Variants in CLEC3B observed in about 807,000 individuals in gnomAD.
The protein encoded by CLEC3B is tetranectin.
CLEC3B carries 13 observed loss-of-function variants against 15.4 expected under a neutral mutation model. The observed-to-expected ratio is 0.84, with a 90% CI of 0.55 to 1.34. The LOEUF (loss-of-function observed/expected upper bound fraction) is 1.34. CLEC3B is among the 40% of genes most tolerant of loss of function. The pLI is 0.00. For missense variants in CLEC3B, 242 were observed against 268.6 expected, an observed-to-expected ratio of 0.90 and a Z score of 0.69; for synonymous variants, 112 against 114.7, an observed-to-expected ratio of 0.98 and a Z score of 0.15.
Position 45,035,539 on chromosome 3 carries a change from C to T in CLEC3B, c.224C>T (p.Thr75Ile), listed in dbSNP as rs1001999330. 1.2e-6 allele frequency: 2 copies of T among 1,606,268 alleles called. No individual in the cohort carries two copies. Among genetic ancestry groups the T allele is most frequent in the African/African-American group, 1.3e-5 (1 of 74,824 alleles). Residue 75 changes from threonine (T) to isoleucine (I), a missense_variant, in exon 3 of 3, where the codon ACC becomes ATC. By Grantham distance (89) the Thr-to-Ile change is moderately conservative. Transcript: ENST00000296130. ...CCACTCCCAGTCTGCCTGAAGGGGACCAAGGTGCACATGAAATGCTTTCTG... is the reference window on the plus strand; with the variant it reads ...CCACTCCCAGTCTGCCTGAAGGGGATCAAGGTGCACATGAAATGCTTTCTG... The part of the protein sequence containing the change: ...QALQTVCLKG[T>I]KVHMKCFLAF...
At chr3:45,028,895 G>C (rs558746267) in intron 1 of CLEC3B, among the ~76,000 whole-genome samples, 15 of 152,330 alleles carry the variant, frequency 9.8e-5, no homozygotes, top group Middle Eastern at 3.4e-3. Flanking sequence ...GGGTGGGTGA[G>C]AAGCGGGGAG....
chr3:45,034,918 C>T lies in CLEC3B; in HGVS notation c.209-606C>T, dbSNP rs55783994. Among the ~76,000 whole-genome samples the T allele has an allele frequency of 9.8e-3, 1,493 of 152,290 alleles. 28 individuals carry two copies. Among genetic ancestry groups the T allele is most frequent in the African/African-American group, 0.034 (1,408 of 41,550 alleles). ...GCTGTTTGGGTAGGGATTTGGGGCC[C>T]TGGGTACATGAAGTGTGGCCTAGGC... On this transcript the variant is annotated intron_variant, in intron 2 of 2. Coordinates refer to ENST00000296130, the MANE Select transcript of CLEC3B (RefSeq NM_003278.3).
intron 1 of CLEC3B, among the ~76,000 whole-genome samples, chr3:45,027,958 C>T (rs748915113): frequency 2.0e-4 from 30 of 152,078 alleles, no homozygotes; most frequent in Non-Finnish European, 3.1e-4. Context: ...GGTCAGAGCA[C>T]GTGATGCCTT....
rs761395642 is a variant in CLEC3B, at chr3:45,030,792, C to G, written c.110-35C>G. On this transcript the variant is annotated intron_variant, in intron 1 of 2. Transcript: ENST00000296130. ...AAGGTAGGATCCTTCCTGCTCAGTC[C>G]CTGCCCCACCCTGACATATTTCCTC... 4.8e-6 allele frequency: 7 copies of G among 1,464,770 alleles called. No individual in the cohort carries two copies. In the Admixed American group the frequency reaches 1.4e-4, roughly 28 times the overall value. The allele number at this position is 1,464,770 out of a possible 1,614,324, so 90.7% of individuals were successfully genotyped here.
Position 45,030,852 on chromosome 3 carries a change from G to A in CLEC3B, c.135G>A (p.Glu45=). The A allele has an allele frequency of 6.3e-7, 1 of 1,595,428 alleles. No individual in the cohort carries two copies. The highest frequency in any genetic ancestry group is 1.1e-5 in the South Asian group (1 of 87,594). ...KKDVVNTKMF[E]ELKSRLDTLA... is the part of the protein sequence containing the mutation. ...ATGTTGTGAACACAAAGATGTTTGA[G>A]GAGCTCAAGAGCCGTCTGGACACCC... The change falls in exon 2 of 3, where the codon GAG becomes GAA. Residue 45 remains glutamate (E), a synonymous_variant. Transcript: ENST00000296130.
Position 45,035,896 on chromosome 3 carries a change from C to T in CLEC3B, c.581C>T (p.Pro194Leu). 1 of 1,604,670 alleles carries T rather than the reference C, an allele frequency of 6.2e-7. No homozygotes were observed. Among genetic ancestry groups the T allele is most frequent in the Non-Finnish European group, 8.5e-7 (1 of 1,175,580 alleles). ...WFDKRCRDQL[P>L]YICQFGIV is the part of the protein sequence containing the mutation. ...GACAAGCGCTGCCGCGATCAGCTGC[C>T]CTACATCTGCCAGTTCGGGATCGTG... The change falls in exon 3 of 3, where the codon CCC (proline) becomes CTC (leucine). Residue 194 changes from proline (P) to leucine (L), a missense_variant. Transcript: ENST00000296130.
chr3:45,027,784 G>T (rs1299344247), intron 1 of CLEC3B, among the ~76,000 whole-genome samples: 3 of 152,216 alleles, frequency 2.0e-5, no homozygotes, highest in Non-Finnish European at 4.4e-5. Context: ...ATGAGCATTA[G>T]CCAAAATCGC....
At chr3:45,030,725 T>A in intron 1 of CLEC3B, 102 bp from the exon 2 acceptor site, 1 of 751,662 alleles carries the variant, frequency 1.3e-6, no homozygotes, top group East Asian at 2.8e-5. Flanking sequence ...TCCCAAGATA[T>A]CAAGGTTGAG....
chr3:45,030,263 C>T (rs1239941015), intron 1 of CLEC3B: 1 of 974,010 alleles, frequency 1.0e-6, no homozygotes, highest in African/African-American at 1.8e-5. Flanking sequence ...TTTCAGTTCT[C>T]TTAGTCTTCT....
chr3:45,030,633 G>A (rs1171149506), intron 1 of CLEC3B, among the ~76,000 whole-genome samples, 194 bp from the exon 2 acceptor site: 1 of 152,266 alleles, frequency 6.6e-6, no homozygotes, highest in Non-Finnish European at 1.5e-5. Flanking sequence ...CAGCACAGGA[G>A]CAAGTGAAGG....
intron 1 of CLEC3B, among the ~76,000 whole-genome samples, chr3:45,028,622 A>C (rs576620137): frequency 6.6e-6 from 1 of 152,300 alleles, no homozygotes; most frequent in Non-Finnish European, 1.5e-5. Context: ...CACCCCTGGA[A>C]ATGCTGGTTT....
chr3:45,033,195 T>A (rs556723847), intron 2 of CLEC3B, among the ~76,000 whole-genome samples: 4 of 152,228 alleles, frequency 2.6e-5, no homozygotes, highest in Non-Finnish European at 4.4e-5. Context: ...ATGTCTAAGC[T>A]CTGTGCTGTG....
chr3:45,032,895 G>A (rs1697582388), intron 2 of CLEC3B, among the ~76,000 whole-genome samples: 1 of 152,218 alleles, frequency 6.6e-6, no homozygotes, highest in Admixed American at 6.5e-5. Flanking sequence ...TTCAAGGCAA[G>A]AAGGAGGAAG....
At chr3:45,034,503 T>G (rs1478384517) in intron 2 of CLEC3B, 1 of 152,172 alleles carries the variant, frequency 6.6e-6, no homozygotes, top group African/African-American at 2.4e-5. Context: ...AATGCAGACA[T>G]ACACCTGTCT....
At position 45,026,353 on chromosome 3, in the gene CLEC3B, G is replaced by C. The variant is rs767886360; in HGVS notation, c.-10G>C. The C allele has an allele frequency of 1.2e-6, 2 of 1,611,480 alleles. No individual in the cohort carries two copies. The highest frequency in any genetic ancestry group is 1.1e-5 in the South Asian group (1 of 90,870). On this transcript the variant is annotated 5_prime_UTR_variant, in exon 1 of 3. Transcript: ENST00000296130. ...CTGCAGGCAGCAGCAGCCCCCGCCC[G>C]CGCAGCAGCATGGAGCTCTGGGGGG...
At position 45,035,702 on chromosome 3, in the gene CLEC3B, C is replaced by G; in HGVS notation, c.387C>G (p.Ala129=). Residue 129 remains alanine, a synonymous_variant, in exon 3 of 3, where the codon GCC becomes GCG. Transcript: ENST00000296130. ...EYLRQSVGNE[A]EIWLGLNDMA... ...TGCGCCAGAGCGTGGGCAACGAGGC[C>G]GAGATCTGGCTGGGCCTCAACGACA... is the stretch of plus-strand genomic sequence containing the variant. 3.7e-6 allele frequency: 6 copies of G among 1,613,852 alleles called. No individual in the cohort carries two copies. Among genetic ancestry groups the G allele is most frequent in the Non-Finnish European group, 5.1e-6 (6 of 1,180,032 alleles).
rs746488621 is a variant in CLEC3B, at chr3:45,026,326, C to T, written c.-37C>T. 14 of 1,562,448 alleles carry T rather than the reference C, an allele frequency of 9.0e-6. No homozygotes were observed. Among genetic ancestry groups the T allele is most frequent in the South Asian group, 3.4e-5 (3 of 89,118 alleles). ...CTGTCACTGCGTTCGGACCCAGACC[C>T]GCTGCAGGCAGCAGCAGCCCCCGCC... On this transcript the variant is annotated 5_prime_UTR_variant, in exon 1 of 3. Coordinates refer to ENST00000296130, the MANE Select transcript of CLEC3B (RefSeq NM_003278.3).
chr3:45,035,949 G>A lies in CLEC3B; in HGVS notation c.*25G>A. 2 of 1,550,300 alleles carry A rather than the reference G, an allele frequency of 1.3e-6. No individual in the cohort carries two copies. The highest frequency in any genetic ancestry group is 1.4e-5 in the African/African-American group (1 of 74,050). Reference sequence around the variant, plus strand: ...GCCGGCGGGGCGGGGGCCGTGGGGGGCCTGGAGGAGGGCAGGGGCCGCGGG... The same window carrying A: ...GCCGGCGGGGCGGGGGCCGTGGGGGACCTGGAGGAGGGCAGGGGCCGCGGG... On this transcript the variant is annotated 3_prime_UTR_variant, in exon 3 of 3. Coordinates refer to ENST00000296130, the MANE Select transcript of CLEC3B (RefSeq NM_003278.3).
At chr3:45,033,760 C>T (rs187941548) in intron 2 of CLEC3B, among the ~76,000 whole-genome samples, 1 of 152,148 alleles carries the variant, frequency 6.6e-6, no homozygotes, top group African/African-American at 2.4e-5. Context: ...GATAGTATCA[C>T]GAGAAGTAGC....
Sources: gnomAD v4.1 joint callset for allele counts (sites outside exome capture counted in the v4.1 genomes callset) on GRCh38, gnomAD v4.1.1 for gene constraint, MANE v1.5 for transcripts, NCBI Gene and HGNC (gene_info 2026-07-23, HGNC 2026-07-21) for gene names.